PROX1: variants seen among roughly 807,000 people sequenced by gnomAD.
The protein encoded by PROX1 is prospero homeobox 1, also known as prospero homeobox protein 1.
In PROX1, 7 loss-of-function variants were observed where a neutral mutation model predicts 58.8. That is an observed-to-expected ratio of 0.12 (90% CI 0.07 to 0.22). The LOEUF is 0.22. PROX1 is among the 10% of genes least tolerant of loss of function. PROX1 has a pLI of 1.00. For synonymous variants in PROX1, 350 were observed against 358.3 expected, an observed-to-expected ratio of 0.98 and a Z score of 0.26; for missense variants, 675 against 927.8, an observed-to-expected ratio of 0.73 and a Z score of 3.54.
chr1:213,991,621 T>C (rs900902159), intron 1 of PROX1, among the ~76,000 whole-genome samples: 26 of 152,252 alleles, frequency 1.7e-4, no homozygotes, highest in Admixed American at 7.8e-4. Flanking sequence ...AAAAAAGTCA[T>C]GCATACATAA....
intron 4 of PROX1, among the ~76,000 whole-genome samples, chr1:214,026,514 G>A (rs759581757): frequency 7.2e-5 from 11 of 152,122 alleles, no homozygotes; most frequent in Non-Finnish European, 1.3e-4. Flanking sequence ...TTTATTAAAC[G>A]TAGAATAGAA....
intron 4 of PROX1, among the ~76,000 whole-genome samples, chr1:214,034,386 A>G (rs1480954084): frequency 6.6e-6 from 1 of 152,224 alleles, no homozygotes; most frequent in Non-Finnish European, 1.5e-5. Context: ...TGCGTAGATA[A>G]ATATGGCTAC....
intron 3 of PROX1, among the ~76,000 whole-genome samples, chr1:214,011,220 A>C (rs1479924007): frequency 6.6e-6 from 1 of 152,230 alleles, no homozygotes; most frequent in South Asian, 2.1e-4. Flanking sequence ...TGTTCTACTG[A>C]AAGATGAAGA....
At chr1:214,000,434 G>T (rs1329224215) in intron 2 of PROX1, among the ~76,000 whole-genome samples, 2 of 152,318 alleles carry the variant, frequency 1.3e-5, no homozygotes, top group East Asian at 3.9e-4. Context: ...TCAGAGGCAT[G>T]ACTTCTCCTT....
At position 213,997,696 on chromosome 1, in the gene PROX1, G is replaced by T. The variant is rs749766196; in HGVS notation, c.1161G>T (p.Gln387His). 6.2e-6 allele frequency: 10 copies of T among 1,614,106 alleles called. No homozygotes were observed. The highest frequency in any genetic ancestry group is 8.5e-6 in the Non-Finnish European group (10 of 1,179,998). The stretch of plus-strand genomic sequence containing the variant: ...TTCCTCAGGTCTTCCCACCTCTCCA[G>T]ATCCCCCAGGCCAGATTTGCAGTCA... ...RQVPQVFPPL[Q>H]IPQARFAVNG... The change falls in exon 2 of 5, where the codon CAG becomes CAT. Residue 387 changes from glutamine (Q) to histidine (H), a missense_variant. Physicochemically the swap from Gln to His is conservative, Grantham distance 24 (BLOSUM62 0). Coordinates refer to ENST00000366958, the MANE Select transcript of PROX1 (RefSeq NM_001270616.2). This position sits in a 1 kb window ranked among gnomAD's most constrained non-coding sequence, Gnocchi z 7.1.
Position 214,011,684 on chromosome 1 carries a change from A to T in PROX1, c.1997A>T (p.Asn666Ile). Residue 666 changes from asparagine to isoleucine, a missense_variant, in exon 4 of 5, where the codon AAC becomes ATC. Physicochemically the swap from Asn to Ile is moderately radical, Grantham distance 149. Coordinates refer to ENST00000366958, the MANE Select transcript of PROX1 (RefSeq NM_001270616.2). ...TRDCELYRAL[N>I]MHYNKANDFE... The stretch of plus-strand genomic sequence containing the variant: ...GACTGTGAGCTGTACAGGGCTCTGA[A>T]CATGCACTACAATAAAGCAAATGAC... The T allele has an allele frequency of 6.2e-7, 1 of 1,606,480 alleles. No homozygotes were observed.
chr1:214,013,989 G>A lies in PROX1; in HGVS notation c.2028+2274G>A, dbSNP rs115342318. Among the ~76,000 whole-genome samples the A allele has an allele frequency of 4.1e-3, 624 of 152,186 alleles. 5 individuals are homozygous for A. Among genetic ancestry groups the A allele is most frequent in the African/African-American group, 0.015 (602 of 41,512 alleles). On this transcript the variant is annotated intron_variant, in intron 4 of 4. Coordinates refer to ENST00000366958, the MANE Select transcript of PROX1 (RefSeq NM_001270616.2). ...CACTTACACATCCATATGCACACAC[G>A]CGTACCGACCACCACACATAATCCT...
Position 214,031,617 on chromosome 1 carries a change from A to G in PROX1, c.2029-4032A>G, listed in dbSNP as rs1315141934. 2.0e-5 allele frequency among the ~76,000 whole-genome samples: 3 copies of G among 152,224 alleles called. No individual in the cohort carries two copies. In the East Asian group the frequency reaches 5.8e-4, roughly 29 times the overall value. On this transcript the variant is annotated intron_variant, in intron 4 of 4. Transcript: ENST00000366958. Reference sequence around the variant, plus strand: ...TTGGGTTCTATTAAAAGAAACCTAGATAAGGGATTACTTGTCACTAAGGGA... The same window carrying G: ...TTGGGTTCTATTAAAAGAAACCTAGGTAAGGGATTACTTGTCACTAAGGGA...
At chr1:214,001,025 G>C (rs1312139102) in intron 2 of PROX1, among the ~76,000 whole-genome samples, 2 of 152,144 alleles carry the variant, frequency 1.3e-5, no homozygotes, top group African/African-American at 4.8e-5. Flanking sequence ...CTATTATTAT[G>C]TTTTAATTTT....
chr1:213,999,211 A>G (rs933635536), intron 2 of PROX1, among the ~76,000 whole-genome samples: 2 of 151,410 alleles, frequency 1.3e-5, no homozygotes, highest in Admixed American at 1.3e-4. Flanking sequence ...TTAACTGAAG[A>G]TTTTTTTTTC....
intron 4 of PROX1, among the ~76,000 whole-genome samples, chr1:214,027,698 A>G (rs1664506345): frequency 6.6e-6 from 1 of 152,196 alleles, no homozygotes; most frequent in Non-Finnish European, 1.5e-5. Flanking sequence ...AACTGTCTTT[A>G]TCTAGCCGAG....
rs907158401 is a variant in PROX1 at position 214,037,142 on chromosome 1, C to CT, written c.*1314dup. On this transcript the variant is annotated 3_prime_UTR_variant, in exon 5 of 5. Transcript: ENST00000366958. ...TTATGCTTTCTTCCATGGTTCTCCT[C>CT]TTTTTTCCCTTTTATTTTTCCCTGT... The CT allele has an allele frequency of 2.6e-5, 4 of 152,278 alleles. No homozygotes were observed. The highest frequency in any genetic ancestry group is 5.9e-5 in the Non-Finnish European group (4 of 68,008). The allele number at this position is 152,278 out of a possible 1,614,324, so 9.4% of individuals were successfully genotyped here. A position where few individuals can be genotyped will look rare whatever the true frequency, so the allele number is the denominator to read the frequency against.
Position 214,038,982 on chromosome 1 carries a change from TTG to T in PROX1, c.*3152_*3153del, listed in dbSNP as rs1370285987. ...ATTTTTTGTAACTGTGGTGCAAATC[TTG>T]TGTTTTCTTAGCCTAATGAAAAGTA... On this transcript the variant is annotated 3_prime_UTR_variant, in exon 5 of 5. Transcript: ENST00000366958. 6.6e-5 allele frequency: 10 copies of T among 152,328 alleles called. No individual in the cohort carries two copies. Among genetic ancestry groups the T allele is most frequent in the African/African-American group, 1.9e-4 (8 of 41,582 alleles). The allele number at this position is 152,328 out of a possible 1,614,324, so 9.4% of individuals were successfully genotyped here.
At chr1:214,031,297 G>A (rs1460139895) in intron 4 of PROX1, among the ~76,000 whole-genome samples, 1 of 152,086 alleles carries the variant, frequency 6.6e-6, no homozygotes, top group African/African-American at 2.4e-5. Flanking sequence ...CAAATATCAA[G>A]GCAAGACCAT....
chr1:214,005,798 G>A (rs749138691), intron 3 of PROX1, among the ~76,000 whole-genome samples: 13 of 152,142 alleles, frequency 8.5e-5, no homozygotes, highest in Non-Finnish European at 1.5e-4. Context: ...TTGATGTAGA[G>A]TACACTGAGC....
At chr1:214,002,870 A>G (rs572854571) in intron 2 of PROX1, among the ~76,000 whole-genome samples, 1 of 152,244 alleles carries the variant, frequency 6.6e-6, no homozygotes, top group Non-Finnish European at 1.5e-5. Flanking sequence ...ATGTTTCATT[A>G]GTTATTTTTA....
At chr1:213,998,804 G>A (rs78267422) in intron 2 of PROX1, among the ~76,000 whole-genome samples, 2,869 of 152,282 alleles carry the variant, frequency 0.019, 60 homozygotes, top group East Asian at 0.044. Context: ...CGCTTTACAA[G>A]TGGGAGGTTG....
intron 3 of PROX1, among the ~76,000 whole-genome samples, chr1:214,010,930 C>T (rs1022969455): frequency 1.3e-5 from 2 of 152,034 alleles, no homozygotes; most frequent in African/African-American, 2.4e-5. Context: ...ACATGAATGC[C>T]GTGGGCAAAC....
intron 4 of PROX1, among the ~76,000 whole-genome samples, chr1:214,012,233 A>C (rs17021768): frequency 0.03 from 4,626 of 152,304 alleles, 244 homozygotes; most frequent in African/African-American, 0.1. Flanking sequence ...TACTAAGTAC[A>C]TAGCATAAGA....
Sources: gnomAD v4.1 joint callset for allele counts (sites outside exome capture counted in the v4.1 genomes callset) on GRCh38, gnomAD v4.1.1 for gene constraint, Gnocchi (gnomAD v3.1) non-coding constraint, MANE v1.5 for transcripts, NCBI Gene and HGNC (gene_info 2026-07-23, HGNC 2026-07-21) for gene names.